The following OPCML variants were observed in gnomAD, a reference collection of about 807,000 sequenced individuals.
OPCML encodes opioid binding protein/cell adhesion molecule like, also known as opioid-binding protein/cell adhesion molecule.
A neutral mutation model predicts 37.8 loss-of-function variants in OPCML; 13 were observed. That is an observed-to-expected ratio of 0.34 (90% CI 0.22 to 0.55). OPCML has a LOEUF of 0.55. OPCML is among the 20% of genes least tolerant of loss of function. The probability of loss-of-function intolerance (pLI) is 0.91; values close to 1 mark genes in which losing one functional copy is unlikely to be tolerated. For missense variants in OPCML, 341 were observed against 435.6 expected, an observed-to-expected ratio of 0.78 and a Z score of 1.93; for synonymous variants, 176 against 168.8, an observed-to-expected ratio of 1.04 and a Z score of -0.33.
chr11:133,140,577 A>AAGAAGAAGAAAG (rs748209202), intron 1 of OPCML, among the ~76,000 whole-genome samples: 2 of 85,026 alleles, frequency 2.4e-5, no homozygotes, highest in Non-Finnish European at 5.5e-5. Flanking sequence ...GAAGAAGAAG[A>AAGAAGAAGAAAG]AAGAAGAAAA....
At chr11:133,347,338 G>A (rs1182895091) in intron 1 of OPCML, among the ~76,000 whole-genome samples, 2 of 152,178 alleles carry the variant, frequency 1.3e-5, no homozygotes, top group Non-Finnish European at 1.5e-5. Flanking sequence ...CCTGACATGC[G>A]AGAATTAGAA....
intron 2 of OPCML, among the ~76,000 whole-genome samples, chr11:132,799,395 C>T (rs951439000): frequency 2.6e-5 from 4 of 152,074 alleles, no homozygotes. Context: ...CTACAGCTTC[C>T]TCACCTCCCT....
At chr11:132,770,743 G>A (rs1198728017) in intron 2 of OPCML, among the ~76,000 whole-genome samples, 1 of 152,112 alleles carries the variant, frequency 6.6e-6, no homozygotes, top group African/African-American at 2.4e-5. Context: ...TGGAAGCACG[G>A]GCAGCTGGAA....
At position 133,374,031 on chromosome 11, in the gene OPCML, AT is replaced by A. The variant is rs575511531; in HGVS notation, c.61+158232del. ...TATTTACCCAAAAGAAATGAAAAAA[AT>A]GTCTATTAAAAACTTGTACACAGAT... On this transcript the variant is annotated intron_variant, in intron 1 of 7. Coordinates refer to ENST00000524381, the MANE Select transcript of OPCML (RefSeq NM_001012393.5). Among the ~76,000 whole-genome samples, 361 of 152,330 alleles carry A rather than the reference AT, an allele frequency of 2.4e-3. 3 individuals carry two copies. The highest frequency in any genetic ancestry group is 8.2e-3 in the African/African-American group (340 of 41,572).
chr11:132,923,755 A>ATTTTTTTTTTTTTTTTTTTTTTTTTTT (rs71038509), intron 2 of OPCML, among the ~76,000 whole-genome samples: 1 of 92,066 alleles, frequency 1.1e-5, no homozygotes, highest in African/African-American at 4.5e-5. Flanking sequence ...AGTTACTTGA[A>ATTTTTTTTTTTTTTTTTTTTTTTTTTT]TTTTTTTTTT....
intron 4 of OPCML, among the ~76,000 whole-genome samples, chr11:132,443,757 T>TC (rs2096044705): frequency 1.3e-5 from 2 of 152,182 alleles, no homozygotes; most frequent in Non-Finnish European, 2.9e-5. Context: ...AACCACCTCC[T>TC]CCCCACTGCT....
intron 2 of OPCML, among the ~76,000 whole-genome samples, chr11:132,939,344 G>A (rs1217757082): frequency 6.6e-6 from 1 of 152,074 alleles, no homozygotes; most frequent in African/African-American, 2.4e-5. Context: ...TCAAATACTT[G>A]GTTTTGAATG....
At chr11:132,699,281 T>C (rs1351930978) in intron 2 of OPCML, among the ~76,000 whole-genome samples, 1 of 152,134 alleles carries the variant, frequency 6.6e-6, no homozygotes, top group Non-Finnish European at 1.5e-5. Context: ...ATATTTAAGA[T>C]TATGTCATCT....
intron 2 of OPCML, among the ~76,000 whole-genome samples, chr11:132,918,022 G>A (rs1944664563): frequency 6.6e-6 from 1 of 152,054 alleles, no homozygotes; most frequent in Admixed American, 6.6e-5. Context: ...GTTTTAATAT[G>A]TTTTCCTATT....
At chr11:132,576,521 C>T (rs773668816) in intron 3 of OPCML, among the ~76,000 whole-genome samples, 2 of 152,014 alleles carry the variant, frequency 1.3e-5, no homozygotes, top group Non-Finnish European at 1.5e-5. Flanking sequence ...GAAATTGTCA[C>T]CTTGTTCATC....
intron 1 of OPCML, among the ~76,000 whole-genome samples, chr11:133,477,894 C>T (rs1327090927): frequency 6.6e-6 from 1 of 152,134 alleles, no homozygotes; most frequent in Admixed American, 6.5e-5. Flanking sequence ...GAGATTTTAT[C>T]TGCTGCTGTT....
chr11:132,760,897 T>C (rs182262885), intron 2 of OPCML, among the ~76,000 whole-genome samples: 3 of 152,322 alleles, frequency 2.0e-5, no homozygotes, highest in Non-Finnish European at 4.4e-5. Flanking sequence ...ACAGTGTCGA[T>C]GGCCTTTATA....
At chr11:132,714,374 GT>G (rs200998972) in intron 2 of OPCML, among the ~76,000 whole-genome samples, 2,812 of 152,302 alleles carry the variant, frequency 0.018, 68 homozygotes, top group African/African-American at 0.063. Flanking sequence ...GTAAATATGT[GT>G]TTTCAATCTC....
intron 3 of OPCML, among the ~76,000 whole-genome samples, chr11:132,596,264 A>G (rs1403497194): frequency 6.6e-6 from 1 of 152,214 alleles, no homozygotes; most frequent in East Asian, 1.9e-4. Flanking sequence ...CAAAGTACCA[A>G]TTGCAAAAAT....
chr11:133,308,241 C>T (rs559863110), intron 1 of OPCML, among the ~76,000 whole-genome samples: 1 of 152,224 alleles, frequency 6.6e-6, no homozygotes, highest in Admixed American at 6.5e-5. Flanking sequence ...ATAAAGAAGT[C>T]TTAGTTTATA....
At chr11:132,500,476 G>A (rs531884183) in intron 4 of OPCML, among the ~76,000 whole-genome samples, 1 of 152,188 alleles carries the variant, frequency 6.6e-6, no homozygotes, top group African/African-American at 2.4e-5. Flanking sequence ...GGAGCCAGAG[G>A]GCATTGAAGC....
intron 1 of OPCML, among the ~76,000 whole-genome samples, chr11:133,203,434 CG>C (rs1443282137): frequency 6.6e-6 from 1 of 152,146 alleles, no homozygotes; most frequent in East Asian, 1.9e-4. Context: ...GGAGTATCTT[CG>C]CCTCTCAGGT....
chr11:132,459,514 T>G (rs2096093668), intron 4 of OPCML, among the ~76,000 whole-genome samples: 1 of 148,272 alleles, frequency 6.7e-6, no homozygotes, highest in Non-Finnish European at 1.5e-5. Context: ...AGAGAATATA[T>G]ATATATATAT....
At chr11:132,938,702 T>C (rs1945475584) in intron 2 of OPCML, among the ~76,000 whole-genome samples, 1 of 152,082 alleles carries the variant, frequency 6.6e-6, no homozygotes, top group South Asian at 2.1e-4. Flanking sequence ...CCCAGGTGCC[T>C]AGGCCCCCAG....
Sources: allele counts gnomAD v4.1 joint callset (sites outside exome capture counted in the v4.1 genomes callset), GRCh38; gene constraint gnomAD v4.1.1; transcripts MANE v1.5; gene names NCBI Gene and HGNC (gene_info 2026-07-23, HGNC 2026-07-21).